The following ACOXL variants were observed in gnomAD, a reference collection of about 807,000 sequenced individuals.
ACOXL encodes acyl-CoA oxidase like.
A neutral mutation model predicts 71.9 loss-of-function variants in ACOXL; 70 were observed. That is an observed-to-expected ratio of 0.97 (90% CI 0.80 to 1.19). The LOEUF (loss-of-function observed/expected upper bound fraction) is 1.19, where lower values mean the gene tolerates loss of function less well. ACOXL is among the 50% of genes most tolerant of loss of function. The pLI, the probability that ACOXL is intolerant of heterozygous loss-of-function variation, is 0.00. For synonymous variants in ACOXL, 253 were observed against 281.6 expected, an observed-to-expected ratio of 0.90 and a Z score of 1.02; for missense variants, 703 against 736.3, an observed-to-expected ratio of 0.95 and a Z score of 0.52.
At chr2:110,907,984 G>T (rs1438319152) in intron 10 of ACOXL, among the ~76,000 whole-genome samples, 1 of 152,186 alleles carries the variant, frequency 6.6e-6, no homozygotes, top group Non-Finnish European at 1.5e-5. Context: ...GTGAAATGTT[G>T]TTCTTTCATA....
At chr2:110,805,444 G>A (rs1240214897) in intron 9 of ACOXL, 49 bp downstream of exon 9, 9 of 1,610,288 alleles carry the variant, frequency 5.6e-6, no homozygotes, top group South Asian at 1.1e-5. Context: ...ATTCTCTCAC[G>A]ACTCAGGGAT....
intron 13 of ACOXL, among the ~76,000 whole-genome samples, chr2:110,990,006 C>T (rs560094466): frequency 1.6e-4 from 25 of 152,230 alleles, no homozygotes; most frequent in Non-Finnish European, 2.9e-4. Flanking sequence ...CGCCATTGCA[C>T]TCCAGGCTGG....
At chr2:111,005,785 G>C (rs953137752) in intron 14 of ACOXL, among the ~76,000 whole-genome samples, 2 of 152,078 alleles carry the variant, frequency 1.3e-5, no homozygotes, top group Non-Finnish European at 2.9e-5. Flanking sequence ...CACCAATCAG[G>C]GATCTTGATC....
chr2:111,026,795 G>T (rs779928036), intron 14 of ACOXL, among the ~76,000 whole-genome samples: 8 of 152,202 alleles, frequency 5.3e-5, no homozygotes, highest in Admixed American at 1.3e-4. Flanking sequence ...AGTGCAGTGA[G>T]AAGAGATCAT....
At chr2:110,980,253 C>T (rs1371465156) in intron 12 of ACOXL, among the ~76,000 whole-genome samples, 1 of 152,242 alleles carries the variant, frequency 6.6e-6, no homozygotes, top group Non-Finnish European at 1.5e-5. Context: ...TCAATTAAAG[C>T]TGTGTTGTGG....
chr2:110,769,628 C>T (rs1317945958), intron 2 of ACOXL, among the ~76,000 whole-genome samples: 1 of 151,716 alleles, frequency 6.6e-6, no homozygotes, highest in Non-Finnish European at 1.5e-5. Flanking sequence ...GCCTGGGCAA[C>T]ATGGTGAAAC....
At chr2:110,898,094 A>G (rs1216675841) in intron 10 of ACOXL, among the ~76,000 whole-genome samples, 3 of 152,202 alleles carry the variant, frequency 2.0e-5, no homozygotes. Flanking sequence ...AATTGAACTC[A>G]TGATTTTAAA....
intron 10 of ACOXL, among the ~76,000 whole-genome samples, chr2:110,891,510 C>T (rs918787790): frequency 7.3e-5 from 11 of 151,390 alleles, no homozygotes; most frequent in Non-Finnish European, 1.5e-4. Context: ...CTTAATTCAC[C>T]TACCCAGAGA....
intron 17 of ACOXL, among the ~76,000 whole-genome samples, chr2:111,108,236 T>C (rs2069681303): frequency 6.6e-6 from 1 of 152,154 alleles, no homozygotes; most frequent in Non-Finnish European, 1.5e-5. Flanking sequence ...GACAGTTCTT[T>C]TTTGTTATCC....
chr2:110,830,019 C>T (rs1488985017), intron 9 of ACOXL, among the ~76,000 whole-genome samples: 1 of 152,172 alleles, frequency 6.6e-6, no homozygotes, highest in East Asian at 1.9e-4. Context: ...ACTCATGTTT[C>T]AGGCTGGTAA....
At chr2:110,938,167 C>G (rs1223205427) in intron 12 of ACOXL, among the ~76,000 whole-genome samples, 1 of 152,170 alleles carries the variant, frequency 6.6e-6, no homozygotes, top group East Asian at 1.9e-4. Context: ...CAAGAGCCTT[C>G]CAGGTGGGGC....
Position 111,013,541 on chromosome 2 carries a change from AAAAAG to A in ACOXL, c.1281+17540_1281+17544del, listed in dbSNP as rs1327379510. Among the ~76,000 whole-genome samples the A allele has an allele frequency of 1.2e-4, 17 of 143,754 alleles. No homozygotes were observed. In the South Asian group the frequency reaches 3.4e-3, roughly 28 times the overall value. The allele number at this position is 143,754 out of a possible 152,430, so 94.3% of individuals were successfully genotyped here. A position where few individuals can be genotyped will look rare whatever the true frequency, so the allele number is the denominator to read the frequency against. The stretch of plus-strand genomic sequence containing the variant: ...CTGTCTCAAAAAAAAAAAAAAAAAA[AAAAAG>A]AAGTAAAAGAAAAGGAAGATCTAAA... On this transcript the variant is annotated intron_variant, in intron 14 of 17. Transcript: ENST00000439055.
rs77259069 is a variant in ACOXL at position 110,908,984 on chromosome 2, C to T, written c.905+79C>T. 1.0e-3 allele frequency: 1,081 copies of T among 1,052,354 alleles called. 11 individuals are homozygous for T. In the African/African-American group the frequency reaches 0.016, roughly 16 times the overall value. The allele number at this position is 1,052,354 out of a possible 1,614,324, so 65.2% of individuals were successfully genotyped here. A position where few individuals can be genotyped will look rare whatever the true frequency, so the allele number is the denominator to read the frequency against. ...GAGTAAGAATTCAGAGCAGCAGGCA[C>T]AGGATGTCATTTTCTAACTGTGATC... On this transcript the variant is annotated intron_variant, in intron 11 of 17. Coordinates refer to ENST00000439055, the MANE Select transcript of ACOXL (RefSeq NM_001142807.4).
At chr2:111,037,858 A>G (rs565596217) in intron 15 of ACOXL, among the ~76,000 whole-genome samples, 1 of 152,330 alleles carries the variant, frequency 6.6e-6, no homozygotes, top group Non-Finnish European at 1.5e-5. Context: ...GATGAATCCC[A>G]GAGAATGGGG....
At position 110,805,343 on chromosome 2, in the gene ACOXL, C is replaced by T; in HGVS notation, c.701C>T (p.Ala234Val). 4 of 1,614,242 alleles carry T rather than the reference C, an allele frequency of 2.5e-6. No homozygotes were observed. Among genetic ancestry groups the T allele is most frequent in the Non-Finnish European group, 3.4e-6 (4 of 1,180,048 alleles). ...KSARFNAMLAALTPSRLAVAF... is the reference protein window; with the variant it reads ...KSARFNAMLAVLTPSRLAVAF... ...GCAAGATTCAATGCCATGCTGGCAG[C>T]ACTGACCCCTTCGAGATTAGCTGTG... Residue 234 changes from alanine to valine, a missense_variant, in exon 9 of 18, where the codon GCA (alanine) becomes GTA (valine). By Grantham distance (64) the Ala-to-Val change is moderately conservative (BLOSUM62 0). Transcript: ENST00000439055.
intron 11 of ACOXL, among the ~76,000 whole-genome samples, chr2:110,911,585 A>G (rs1290328776): frequency 2.6e-5 from 4 of 152,120 alleles, no homozygotes; most frequent in Admixed American, 6.5e-5. Flanking sequence ...AACATACTAC[A>G]CTGTGTTAAT....
At chr2:111,064,219 G>A (rs559403735) in intron 16 of ACOXL, among the ~76,000 whole-genome samples, 1 of 152,042 alleles carries the variant, frequency 6.6e-6, no homozygotes, top group African/African-American at 2.4e-5. Flanking sequence ...GGTGGATCAC[G>A]AGGTCAGGAG....
chr2:110,835,391 A>G (rs1356510915), intron 9 of ACOXL, among the ~76,000 whole-genome samples: 3 of 151,982 alleles, frequency 2.0e-5, no homozygotes, highest in Admixed American at 6.5e-5. Flanking sequence ...CTTTTGGTGG[A>G]ATGACAGAAA....
At chr2:110,765,431 T>C (rs1680926900) in intron 1 of ACOXL, among the ~76,000 whole-genome samples, 1 of 152,212 alleles carries the variant, frequency 6.6e-6, no homozygotes, top group Non-Finnish European at 1.5e-5. Flanking sequence ...GGCTCTGTTA[T>C]TATTGTCCCA....
Sources: allele counts gnomAD v4.1 joint callset (sites outside exome capture counted in the v4.1 genomes callset), GRCh38; gene constraint gnomAD v4.1.1; transcripts MANE v1.5; gene names NCBI Gene and HGNC (gene_info 2026-07-23, HGNC 2026-07-21).